ACCSL: variants seen among roughly 807,000 people sequenced by gnomAD.
The protein encoded by ACCSL is probable inactive 1-aminocyclopropane-1-carboxylate synthase-like protein 2.
ACCSL carries 55 observed loss-of-function variants against 61.7 expected under a neutral mutation model. That is an observed-to-expected ratio of 0.89 (90% CI 0.72 to 1.12). ACCSL has a LOEUF of 1.12. Among genes scored for constraint, ACCSL ranks in the 50% most tolerant of loss-of-function variants. The probability of loss-of-function intolerance (pLI) is 0.00; values close to 1 mark genes in which losing one functional copy is unlikely to be tolerated. For missense variants in ACCSL, 632 were observed against 698.0 expected, an observed-to-expected ratio of 0.91 and a Z score of 1.07; for synonymous variants, 258 against 264.3, an observed-to-expected ratio of 0.98 and a Z score of 0.23.
chr11:43,983,260 GA>G, the ACCSL span, among the ~76,000 whole-genome samples: 1 of 152,198 alleles, frequency 6.6e-6, no homozygotes, highest in Non-Finnish European at 1.5e-5. Flanking sequence ...GGTGCTCCAG[GA>G]AACAGTCGAT....
chr11:44,055,364 A>G (rs1590432134), intron 9 of ACCSL, 73 bp downstream of exon 9: 7 of 1,229,482 alleles, frequency 5.7e-6, no homozygotes, highest in Middle Eastern at 1.9e-4. Context: ...TTTATGTGAC[A>G]TGAACTTAAC....
chr11:44,030,187 TTC>T, the ACCSL span, among the ~76,000 whole-genome samples: 4 of 150,434 alleles, frequency 2.7e-5, no homozygotes, highest in Admixed American at 2.7e-4. Context: ...CTGGGCCCTT[TTC>T]TCTCTCCCCA....
At chr11:44,000,214 T>C in the ACCSL span, among the ~76,000 whole-genome samples, 1 of 150,868 alleles carries the variant, frequency 6.6e-6, no homozygotes, top group Non-Finnish European at 1.5e-5. Flanking sequence ...AACCTCCGCC[T>C]CCCGGGTGCA....
the ACCSL span, among the ~76,000 whole-genome samples, chr11:44,012,523 G>T: frequency 5.0e-3 from 756 of 152,260 alleles, 1 homozygote; most frequent in African/African-American, 0.017. Context: ...CTGACCTCAG[G>T]TGATCCACCT....
the ACCSL span, among the ~76,000 whole-genome samples, chr11:44,038,305 A>T: frequency 6.6e-6 from 1 of 152,202 alleles, no homozygotes; most frequent in Non-Finnish European, 1.5e-5. Flanking sequence ...CGCTGGATTC[A>T]TGTTAGAGCC....
At chr11:43,947,319 A>C in the ACCSL span, 1 of 152,320 alleles carries the variant, frequency 6.6e-6, no homozygotes, top group African/African-American at 2.4e-5. Flanking sequence ...CGCCTCCAAC[A>C]CTGGGGGTCA....
At chr11:43,934,115 TCTCTCTCTCCCTCTC>T in the ACCSL span, among the ~76,000 whole-genome samples, 1 of 152,044 alleles carries the variant, frequency 6.6e-6, no homozygotes, top group East Asian at 1.9e-4. Flanking sequence ...TTCTTCCCTG[TCTCTCTCTCCCTCTC>T]CTCTCTCTCC....
At chr11:44,008,091 G>C in the ACCSL span, among the ~76,000 whole-genome samples, 1 of 152,230 alleles carries the variant, frequency 6.6e-6, no homozygotes, top group East Asian at 1.9e-4. Context: ...CTGTGTCATT[G>C]TCCCCATCAA....
the ACCSL span, among the ~76,000 whole-genome samples, chr11:44,024,123 G>A: frequency 6.6e-6 from 1 of 152,164 alleles, no homozygotes; most frequent in Non-Finnish European, 1.5e-5. Flanking sequence ...CCCTAGTGTA[G>A]GTGGGCATCA....
the ACCSL span, among the ~76,000 whole-genome samples, chr11:43,949,133 A>G: frequency 6.6e-6 from 1 of 151,912 alleles, no homozygotes; most frequent in Non-Finnish European, 1.5e-5. Context: ...CACAGGCATG[A>G]CTCCTTTTCA....
the ACCSL span, chr11:43,943,744 G>T: frequency 7.7e-7 from 1 of 1,304,406 alleles, no homozygotes; most frequent in Non-Finnish European, 1.0e-6. The surrounding 1 kb of genome is among the most constrained non-coding windows in gnomAD (Gnocchi z 4.8). Flanking sequence ...GCGCAGCGCG[G>T]CTGCTACTGC....
the ACCSL span, among the ~76,000 whole-genome samples, chr11:44,017,380 G>A: frequency 6.6e-6 from 1 of 152,168 alleles, no homozygotes; most frequent in Non-Finnish European, 1.5e-5. Context: ...TTCACATTGT[G>A]ATCTCTGTGA....
the ACCSL span, among the ~76,000 whole-genome samples, chr11:44,016,053 T>C: frequency 6.6e-6 from 1 of 152,328 alleles, no homozygotes; most frequent in South Asian, 2.1e-4. Context: ...TGCTATTTTT[T>C]TCTCCTATGT....
chr11:44,058,426 C>T lies in ACCSL; in HGVS notation c.1437C>T (p.Ser479=), dbSNP rs1952685321. The T allele has an allele frequency of 1.2e-6, 2 of 1,614,170 alleles. No homozygotes were observed. Among genetic ancestry groups the T allele is most frequent in the South Asian group, 2.2e-5 (2 of 91,080 alleles). Residue 479 remains serine, a synonymous_variant, in exon 12 of 14, where the codon AGC becomes AGT. Coordinates refer to ENST00000378832, the MANE Select transcript of ACCSL (RefSeq NM_001031854.2). ...TGGAGATCCCTTTTCACAACCGCAG[C>T]TCTGGCCTCTATGTCTGGATCAACT... ...KALEIPFHNR[S]SGLYVWINLK...
the ACCSL span, among the ~76,000 whole-genome samples, chr11:43,987,063 C>T: frequency 1.6e-4 from 25 of 152,224 alleles, no homozygotes; most frequent in South Asian, 4.4e-3. Flanking sequence ...CCTGGCTGCT[C>T]TCCCCAGTGA....
At chr11:43,985,112 C>T in the ACCSL span, among the ~76,000 whole-genome samples, 1 of 152,186 alleles carries the variant, frequency 6.6e-6, no homozygotes, top group South Asian at 2.1e-4. Context: ...GACCCAGGTT[C>T]CCTCCTGGCT....
the ACCSL span, among the ~76,000 whole-genome samples, chr11:43,962,080 C>T: frequency 2.9e-4 from 44 of 152,288 alleles, no homozygotes; most frequent in African/African-American, 1.1e-3. Flanking sequence ...ACACCTTCCA[C>T]CTGTAACATC....
At chr11:43,992,200 C>T in the ACCSL span, among the ~76,000 whole-genome samples, 5 of 145,588 alleles carry the variant, frequency 3.4e-5, no homozygotes, top group African/African-American at 1.0e-4. Flanking sequence ...TACAGGTTCA[C>T]GCCACCATGC....
the ACCSL span, among the ~76,000 whole-genome samples, chr11:43,998,328 C>T: frequency 6.6e-6 from 1 of 152,172 alleles, no homozygotes; most frequent in South Asian, 2.1e-4. Context: ...CTTACCTGAG[C>T]CCCAGATCTT....
Sources: allele counts gnomAD v4.1 joint callset (sites outside exome capture counted in the v4.1 genomes callset), GRCh38; gene constraint gnomAD v4.1.1; non-coding constraint Gnocchi (gnomAD v3.1); transcripts MANE v1.5; gene names NCBI Gene and HGNC (gene_info 2026-07-23, HGNC 2026-07-21).